The following GRID2 variants were observed in gnomAD, a reference collection of about 807,000 sequenced individuals.
GRID2 encodes glutamate ionotropic receptor delta type subunit 2.
In GRID2, 33 loss-of-function variants were observed where a neutral mutation model predicts 114.8. The observed-to-expected ratio is 0.29, with a 90% confidence interval of 0.22 to 0.38. The LOEUF (loss-of-function observed/expected upper bound fraction) is 0.38. Ranked by LOEUF, GRID2 falls within the 10% of genes least tolerant of loss-of-function variation. The probability of loss-of-function intolerance (pLI) is 1.00; values close to 1 mark genes in which losing one functional copy is unlikely to be tolerated. For missense variants in GRID2, 1,184 were observed against 1,257.7 expected (o/e 0.94, Z 0.89); for synonymous variants, 505 against 449.9 (o/e 1.12, Z -1.55).
intron 2 of GRID2, among the ~76,000 whole-genome samples, chr4:92,986,862 A>G (rs1754537990): frequency 6.6e-6 from 1 of 152,200 alleles, no homozygotes; most frequent in Admixed American, 6.5e-5. Flanking sequence ...ATTGCTTAAC[A>G]TAGTTGAGAG....
At chr4:93,485,810 A>G (rs1726332872) in intron 11 of GRID2, among the ~76,000 whole-genome samples, 1 of 151,682 alleles carries the variant, frequency 6.6e-6, no homozygotes. Flanking sequence ...CCTGAAGAGT[A>G]TCTTGGCAAT....
intron 1 of GRID2, among the ~76,000 whole-genome samples, chr4:92,430,423 A>T (rs1253456649): frequency 1.3e-5 from 2 of 151,748 alleles, no homozygotes; most frequent in Admixed American, 1.3e-4. Flanking sequence ...AGATGTATGG[A>T]TTTGTTTTGG....
chr4:92,437,575 T>C (rs1401130334), intron 1 of GRID2, among the ~76,000 whole-genome samples: 1 of 152,232 alleles, frequency 6.6e-6, no homozygotes, highest in Non-Finnish European at 1.5e-5. Flanking sequence ...AGCTGACTGC[T>C]TAAAGGACTA....
At chr4:92,839,100 C>A (rs116022792) in intron 2 of GRID2, among the ~76,000 whole-genome samples, 1 of 152,102 alleles carries the variant, frequency 6.6e-6, no homozygotes, top group South Asian at 2.1e-4. Context: ...GTCTTTCAAG[C>A]GAGCATGTGT....
intron 1 of GRID2, among the ~76,000 whole-genome samples, chr4:92,333,942 G>T (rs1336163773): frequency 6.6e-6 from 1 of 152,014 alleles, no homozygotes; most frequent in African/African-American, 2.4e-5. Context: ...TGTTACCCAG[G>T]TTGGTCTCAA....
chr4:92,567,572 T>C (rs1727397522), intron 1 of GRID2, among the ~76,000 whole-genome samples: 1 of 151,974 alleles, frequency 6.6e-6, no homozygotes, highest in African/African-American at 2.4e-5. Context: ...ATCGGGAAAA[T>C]AGGATGCTAG....
intron 1 of GRID2, among the ~76,000 whole-genome samples, chr4:92,447,764 CA>C (rs1733547330): frequency 6.6e-6 from 1 of 152,148 alleles, no homozygotes; most frequent in South Asian, 2.1e-4. Flanking sequence ...TTGGAAGAAG[CA>C]AGCTAACATT....
intron 2 of GRID2, among the ~76,000 whole-genome samples, chr4:92,926,790 G>A (rs1225623915): frequency 2.6e-5 from 4 of 151,874 alleles, no homozygotes; most frequent in African/African-American, 4.8e-5. Flanking sequence ...TGGTGAGGGT[G>A]TTCTTGCAGC....
At chr4:93,277,531 C>A (rs1378063833) in intron 8 of GRID2, among the ~76,000 whole-genome samples, 1 of 151,198 alleles carries the variant, frequency 6.6e-6, no homozygotes, top group African/African-American at 2.4e-5. Context: ...TGGCTATTTG[C>A]TATGAAAACT....
At chr4:92,587,078 T>G (rs1579633671) in intron 1 of GRID2, among the ~76,000 whole-genome samples, 1 of 148,862 alleles carries the variant, frequency 6.7e-6, no homozygotes, top group Admixed American at 6.8e-5. Flanking sequence ...AAGAAATATA[T>G]AGAGAGTACT....
chr4:93,232,945 T>A (rs1746314392), intron 7 of GRID2, among the ~76,000 whole-genome samples: 3 of 152,142 alleles, frequency 2.0e-5, no homozygotes, highest in Admixed American at 2.0e-4. Context: ...CAAAAATAAT[T>A]ACAAGCATGA....
intron 2 of GRID2, among the ~76,000 whole-genome samples, chr4:92,964,338 A>C (rs1753001744): frequency 6.6e-6 from 1 of 151,894 alleles, no homozygotes; most frequent in Non-Finnish European, 1.5e-5. Context: ...TATGTTGTTT[A>C]AATGAGAACA....
intron 2 of GRID2, among the ~76,000 whole-genome samples, chr4:93,029,815 C>A (rs545425610): frequency 6.6e-6 from 1 of 152,204 alleles, no homozygotes; most frequent in South Asian, 2.1e-4. Context: ...TGATTAGCTT[C>A]TTCTGCCCAG....
intron 13 of GRID2, among the ~76,000 whole-genome samples, chr4:93,523,020 TAGTGACCACTCAGTAACACTG>T (rs1423585170): frequency 6.6e-6 from 1 of 152,012 alleles, no homozygotes; most frequent in African/African-American, 2.4e-5. Flanking sequence ...CAGGGTCAGT[TAGTGACCACTCAGTAACACTG>T]AGTGGCAGGT....
intron 14 of GRID2, among the ~76,000 whole-genome samples, chr4:93,648,694 T>A (rs531017417): frequency 6.6e-6 from 1 of 152,342 alleles, no homozygotes; most frequent in South Asian, 2.1e-4. Flanking sequence ...CAGGCATGTA[T>A]AATTTTTATT....
chr4:93,450,044 T>G (rs188266716), intron 10 of GRID2, among the ~76,000 whole-genome samples: 216 of 152,088 alleles, frequency 1.4e-3, no homozygotes, highest in African/African-American at 4.7e-3. Flanking sequence ...AAATTTAGCA[T>G]AAGGCAGTAT....
chr4:93,768,399 A>G (rs1308476296), intron 14 of GRID2, among the ~76,000 whole-genome samples: 3 of 152,214 alleles, frequency 2.0e-5, no homozygotes, highest in Non-Finnish European at 4.4e-5. Flanking sequence ...GGGAATTGAG[A>G]ATAATTCCTC....
chr4:93,055,241 A>T (rs565769010), intron 2 of GRID2, among the ~76,000 whole-genome samples: 1 of 151,774 alleles, frequency 6.6e-6, no homozygotes, highest in African/African-American at 2.4e-5. Flanking sequence ...GGCTGGAATC[A>T]TGAGACCTTA....
rs1734208153 is a variant in GRID2, at chr4:93,772,709, T to G, written c.*211T>G. On this transcript the variant is annotated 3_prime_UTR_variant, in exon 16 of 16. Transcript: ENST00000282020. The stretch of plus-strand genomic sequence containing the variant: ...TCCCTTCCTGTACATTTTCCTCCAC[T>G]TTTTTTCATTACTCAACTTGTTCCC... 2 of 518,512 alleles carry G rather than the reference T, an allele frequency of 3.9e-6. No individual in the cohort carries two copies. The highest frequency in any genetic ancestry group is 6.7e-6 in the Non-Finnish European group (2 of 296,338). 32.1% of individuals were successfully genotyped at this position (518,512 alleles called of 1,614,324 possible).
Sources: allele counts gnomAD v4.1 joint callset (sites outside exome capture counted in the v4.1 genomes callset), GRCh38; gene constraint gnomAD v4.1.1; transcripts MANE v1.5; gene names NCBI Gene and HGNC (gene_info 2026-07-23, HGNC 2026-07-21).